RARB: variants seen among roughly 807,000 people sequenced by gnomAD.
The protein encoded by RARB is HBV-activated protein.
In RARB, 17 loss-of-function variants were observed where a neutral mutation model predicts 51.9. That is an observed-to-expected ratio of 0.33 (90% CI 0.22 to 0.49). RARB has a LOEUF of 0.49. RARB is among the 20% of genes least tolerant of loss of function. The probability of loss-of-function intolerance (pLI) is 0.99; values close to 1 mark genes in which losing one functional copy is unlikely to be tolerated. For missense variants in RARB, 369 were observed against 550.8 expected (o/e 0.67, Z 3.30); for synonymous variants, 215 against 195.4 (o/e 1.10, Z -0.84).
intron 5 of RARB, among the ~76,000 whole-genome samples, chr3:25,179,603 A>C (rs1700822548): frequency 6.6e-6 from 1 of 152,210 alleles, no homozygotes; most frequent in African/African-American, 2.4e-5. Context: ...ACTCAGTTAT[A>C]ACAGTTTTGT....
At chr3:25,010,369 A>C (rs1409892464) in intron 2 of RARB, among the ~76,000 whole-genome samples, 1 of 152,206 alleles carries the variant, frequency 6.6e-6, no homozygotes, top group African/African-American at 2.4e-5. Context: ...AATCAATTTT[A>C]TAACTGCATG....
chr3:25,241,466 C>G (rs1445635019), intron 5 of RARB, among the ~76,000 whole-genome samples: 1 of 152,140 alleles, frequency 6.6e-6, no homozygotes, highest in Non-Finnish European at 1.5e-5. Context: ...CCTCCCCTTC[C>G]CTGCCACAAC....
chr3:24,985,606 A>C (rs1696771555), intron 2 of RARB, among the ~76,000 whole-genome samples: 1 of 152,262 alleles, frequency 6.6e-6, no homozygotes, highest in Non-Finnish European at 1.5e-5. Context: ...TTGAACCTCC[A>C]GATTGGCAAA....
intron 5 of RARB, among the ~76,000 whole-genome samples, chr3:25,342,863 T>C (rs972285723): frequency 6.6e-6 from 1 of 152,018 alleles, no homozygotes; most frequent in Non-Finnish European, 1.5e-5. Flanking sequence ...GGATCTAAAG[T>C]GGTAGAGGTT....
intron 5 of RARB, among the ~76,000 whole-genome samples, chr3:25,311,943 A>G (rs769827716): frequency 2.6e-5 from 4 of 152,208 alleles, no homozygotes; most frequent in Non-Finnish European, 5.9e-5. Context: ...AAATCCCAAT[A>G]CAAAAGTTCA....
At chr3:24,829,501 G>C (rs909106276) in intron 1 of RARB, among the ~76,000 whole-genome samples, 1 of 152,180 alleles carries the variant, frequency 6.6e-6, no homozygotes, top group Non-Finnish European at 1.5e-5. Flanking sequence ...TGGAAGACCA[G>C]GGCATTTGCA....
At chr3:24,915,166 A>C (rs1019604199) in intron 2 of RARB, among the ~76,000 whole-genome samples, 1 of 152,196 alleles carries the variant, frequency 6.6e-6, no homozygotes, top group African/African-American at 2.4e-5. Context: ...AGAAAACAAA[A>C]ACAAACTTTT....
intron 2 of RARB, among the ~76,000 whole-genome samples, chr3:25,027,833 C>T (rs1697782086): frequency 6.6e-6 from 1 of 152,128 alleles, no homozygotes. Flanking sequence ...TAGTAAGGCT[C>T]AGTGAATGCT....
intron 1 of RARB, among the ~76,000 whole-genome samples, chr3:25,443,039 C>A (rs1490994098): frequency 6.6e-6 from 1 of 152,124 alleles, no homozygotes; most frequent in Non-Finnish European, 1.5e-5. Flanking sequence ...AGCTCTCCCC[C>A]GGGTGCCTCC....
chr3:25,101,399 T>A (rs1699398006), intron 3 of RARB, among the ~76,000 whole-genome samples: 1 of 152,132 alleles, frequency 6.6e-6, no homozygotes. Context: ...CACCTATGAG[T>A]TTTTGTAAAA....
chr3:25,263,257 C>T (rs747557569), intron 5 of RARB, among the ~76,000 whole-genome samples: 1 of 152,024 alleles, frequency 6.6e-6, no homozygotes, highest in Admixed American at 6.6e-5. Context: ...TTTCTTGGTA[C>T]CTTCATGTGT....
chr3:25,577,937 C>T (rs972847258), intron 4 of RARB, among the ~76,000 whole-genome samples: 2 of 152,246 alleles, frequency 1.3e-5, no homozygotes, highest in African/African-American at 4.8e-5. Context: ...GAAGAGGGGA[C>T]CTCCTCTGGA....
intron 2 of RARB, among the ~76,000 whole-genome samples, chr3:24,909,048 C>A (rs1463729054): frequency 6.6e-6 from 1 of 152,030 alleles, no homozygotes; most frequent in Non-Finnish European, 1.5e-5. Flanking sequence ...AATGTTAGAG[C>A]TTTTTCCAAA....
intron 1 of RARB, among the ~76,000 whole-genome samples, chr3:25,436,802 C>T (rs1310317821): frequency 6.6e-6 from 1 of 152,140 alleles, no homozygotes; most frequent in Non-Finnish European, 1.5e-5. Context: ...AAAAGTTCTC[C>T]CTTTCCAAGA....
At position 25,433,016 on chromosome 3, in the gene RARB, T is replaced by A. The variant is rs546415703; in HGVS notation, c.157+4128T>A. ...CCATACATTTATCCTTAAATGACAT[T>A]TTTATACTTTAAATGTTCTAATATA... On this transcript the variant is annotated intron_variant, in intron 1 of 7. Coordinates refer to ENST00000330688, the MANE Select transcript of RARB (RefSeq NM_000965.5). Among the ~76,000 whole-genome samples the A allele has an allele frequency of 3.3e-5, 5 of 152,320 alleles. No homozygotes were observed. The South Asian group carries it at 1.0e-3, about 32-fold the overall frequency.
intron 5 of RARB, among the ~76,000 whole-genome samples, chr3:25,193,010 T>A (rs1250940949): frequency 6.6e-6 from 1 of 151,986 alleles, no homozygotes; most frequent in Non-Finnish European, 1.5e-5. Context: ...ACATTGTAGG[T>A]GGAAAAAGCA....
At chr3:25,250,331 G>A (rs1407716289) in intron 5 of RARB, among the ~76,000 whole-genome samples, 1 of 152,174 alleles carries the variant, frequency 6.6e-6, no homozygotes, top group Non-Finnish European at 1.5e-5. Context: ...ACTGGCTAGG[G>A]TAGACAGGGA....
At chr3:25,476,709 T>C (rs970305555) in intron 2 of RARB, among the ~76,000 whole-genome samples, 4 of 152,218 alleles carry the variant, frequency 2.6e-5, no homozygotes, top group African/African-American at 9.6e-5. Context: ...TCCCATTCTG[T>C]GTAAACACCA....
At chr3:25,197,087 C>T (rs1485292147) in intron 5 of RARB, among the ~76,000 whole-genome samples, 1 of 152,040 alleles carries the variant, frequency 6.6e-6, no homozygotes, top group Admixed American at 6.6e-5. Flanking sequence ...TGCCATTTGT[C>T]TGTTTTGGCT....
Sources: allele counts gnomAD v4.1 joint callset (sites outside exome capture counted in the v4.1 genomes callset), GRCh38; gene constraint gnomAD v4.1.1; transcripts MANE v1.5; gene names NCBI Gene and HGNC (gene_info 2026-07-23, HGNC 2026-07-21).